The following INPP4B variants were observed in gnomAD, a reference collection of about 807,000 sequenced individuals.
The protein encoded by INPP4B is inositol polyphosphate-4-phosphatase type II B, also known as inositol polyphosphate 4-phosphatase type II.
Under a neutral mutation model 122.5 loss-of-function variants are expected in INPP4B, and 55 were observed. That is an observed-to-expected ratio of 0.45 (90% confidence interval 0.36 to 0.56). The LOEUF is 0.56. Ranked by LOEUF, INPP4B falls within the 20% of genes least tolerant of loss-of-function variation. INPP4B has a pLI of 0.00. For synonymous variants in INPP4B, 403 were observed against 388.7 expected (o/e 1.04, Z -0.43); for missense variants, 1,000 against 1,097.7 (o/e 0.91, Z 1.26).
rs1739309955 is a variant in INPP4B at position 142,599,043 on chromosome 4, TG to T, written c.-191+126795del. On this transcript the variant is annotated intron_variant, in intron 2 of 25. Transcript: ENST00000262992. The stretch of plus-strand genomic sequence containing the variant: ...ACAGAGAGTGAGAGAGCCTGATAAT[TG>T]TGTGTCTGGGGCTGTCAGTAGTGAC... Among the ~76,000 whole-genome samples the T allele has an allele frequency of 2.0e-5, 3 of 152,274 alleles. No individual in the cohort carries two copies. The East Asian group carries it at 5.8e-4, about 29-fold the overall frequency.
At chr4:142,662,280 G>A (rs543685514) in intron 2 of INPP4B, among the ~76,000 whole-genome samples, 1 of 151,922 alleles carries the variant, frequency 6.6e-6, no homozygotes, top group East Asian at 1.9e-4. Context: ...GTTGAACAAA[G>A]TTTGACCACT....
At chr4:142,184,571 C>T (rs1175559012) in intron 15 of INPP4B, among the ~76,000 whole-genome samples, 2 of 152,096 alleles carry the variant, frequency 1.3e-5, no homozygotes, top group Admixed American at 6.5e-5. Flanking sequence ...CTCATTCATT[C>T]CCCCATATAT....
chr4:142,032,935 C>CTTT (rs147654038), intron 25 of INPP4B, among the ~76,000 whole-genome samples: 6 of 148,852 alleles, frequency 4.0e-5, no homozygotes, highest in Non-Finnish European at 7.4e-5. Context: ...TCCCTCCTGC[C>CTTT]TTTTTTTTTT....
chr4:142,392,627 T>C (rs901482337), intron 7 of INPP4B, among the ~76,000 whole-genome samples: 4 of 152,192 alleles, frequency 2.6e-5, no homozygotes, highest in Admixed American at 6.5e-5. Flanking sequence ...CTATTTTCCA[T>C]GGTTGGAGTA....
At chr4:142,761,053 A>G (rs940441981) in intron 1 of INPP4B, among the ~76,000 whole-genome samples, 10 of 152,100 alleles carry the variant, frequency 6.6e-5, no homozygotes, top group Admixed American at 2.6e-4. Flanking sequence ...TTGCAACATG[A>G]ACACATACTC....
chr4:142,827,632 A>G lies in INPP4B; in HGVS notation c.-254+18577T>C, dbSNP rs188566266. 7.2e-5 allele frequency among the ~76,000 whole-genome samples: 11 copies of G among 152,286 alleles called. No individual in the cohort carries two copies. The East Asian group carries it at 1.9e-3, about 27-fold the overall frequency. On this transcript the variant is annotated intron_variant, in intron 1 of 25. Transcript: ENST00000262992. ...TAGAGACAAACTTAGAGTCAGAAAT[A>G]TATTTCCTAAAGAGAAGTTCAAACT...
chr4:142,563,991 A>G (rs1476920642), intron 2 of INPP4B, among the ~76,000 whole-genome samples: 2 of 152,112 alleles, frequency 1.3e-5, no homozygotes, highest in Non-Finnish European at 2.9e-5. Flanking sequence ...CAAATTTCCA[A>G]CCCACGGATT....
At chr4:142,059,876 T>C (rs1759667934) in intron 25 of INPP4B, among the ~76,000 whole-genome samples, 1 of 152,138 alleles carries the variant, frequency 6.6e-6, no homozygotes, top group African/African-American at 2.4e-5. Context: ...AAGCTGGTTC[T>C]GGGTAACTAC....
At chr4:142,377,418 AATG>A (rs1264143305) in intron 7 of INPP4B, among the ~76,000 whole-genome samples, 2 of 152,112 alleles carry the variant, frequency 1.3e-5, no homozygotes, top group East Asian at 3.9e-4. Flanking sequence ...GAGCAGTTTG[AATG>A]ATGTCTCAAA....
In INPP4B at chr4:142,386,851, G is replaced by C. The variant is rs1554046606; in HGVS notation, c.372+16087C>G. 2.0e-5 allele frequency among the ~76,000 whole-genome samples: 3 copies of C among 152,228 alleles called. No homozygotes were observed. In the South Asian group the frequency reaches 6.2e-4, roughly 32 times the overall value. On this transcript the variant is annotated intron_variant, in intron 7 of 25. Transcript: ENST00000262992. The stretch of plus-strand genomic sequence containing the variant: ...TTTTAATAGATTGTGTCAGAAGTGA[G>C]GTCCGAAGTAGACCTTCTAACGACC...
At chr4:142,630,640 C>T (rs1179435972) in intron 2 of INPP4B, among the ~76,000 whole-genome samples, 1 of 151,890 alleles carries the variant, frequency 6.6e-6, no homozygotes, top group Non-Finnish European at 1.5e-5. Context: ...GAATAATTAC[C>T]AGGTCAGGAG....
intron 2 of INPP4B, among the ~76,000 whole-genome samples, chr4:142,711,001 G>A (rs549871422): frequency 6.1e-4 from 93 of 152,274 alleles, no homozygotes; most frequent in Middle Eastern, 3.4e-3. Flanking sequence ...CCTTAGAGAA[G>A]CCATATACAC....
intron 1 of INPP4B, among the ~76,000 whole-genome samples, chr4:142,804,142 G>C (rs1778380169): frequency 6.6e-6 from 1 of 151,794 alleles, no homozygotes; most frequent in South Asian, 2.1e-4. Flanking sequence ...AAAAAGAATA[G>C]CTCATCGTGA....
intron 5 of INPP4B, among the ~76,000 whole-genome samples, chr4:142,406,917 C>A (rs1209765048): frequency 1.3e-5 from 2 of 152,108 alleles, no homozygotes; most frequent in African/African-American, 4.8e-5. Context: ...TAGCTTACAT[C>A]CTACCCCACT....
At chr4:142,177,484 C>T (rs1828866356) in intron 15 of INPP4B, among the ~76,000 whole-genome samples, 1 of 151,954 alleles carries the variant, frequency 6.6e-6, no homozygotes, top group Non-Finnish European at 1.5e-5. Context: ...AGTCAACGAT[C>T]AATCAGATGA....
intron 2 of INPP4B, among the ~76,000 whole-genome samples, chr4:142,535,170 CAA>C (rs1237315621): frequency 2.6e-5 from 4 of 152,174 alleles, no homozygotes; most frequent in Non-Finnish European, 5.9e-5. Flanking sequence ...GATGATTCAA[CAA>C]AAGTCCCTGA....
chr4:142,093,074 A>T (rs1780280663), intron 23 of INPP4B, among the ~76,000 whole-genome samples: 1 of 152,034 alleles, frequency 6.6e-6, no homozygotes, highest in African/African-American at 2.4e-5. Flanking sequence ...ATTCTCTTGG[A>T]ACTTGCCGAC....
chr4:142,624,375 A>G (rs1484463780), intron 2 of INPP4B, among the ~76,000 whole-genome samples: 1 of 151,406 alleles, frequency 6.6e-6, no homozygotes, highest in East Asian at 1.9e-4. Context: ...TCTTTTGAGA[A>G]GTGTCTGTTC....
At chr4:142,224,589 G>T (rs2149749182) in intron 12 of INPP4B, among the ~76,000 whole-genome samples, 1 of 152,112 alleles carries the variant, frequency 6.6e-6, no homozygotes, top group East Asian at 1.9e-4. Context: ...TCCTTGTGCA[G>T]CAACTAGGAT....
Sources: allele counts gnomAD v4.1 joint callset (sites outside exome capture counted in the v4.1 genomes callset), GRCh38; gene constraint gnomAD v4.1.1; transcripts MANE v1.5; gene names NCBI Gene and HGNC (gene_info 2026-07-23, HGNC 2026-07-21).